ALK: variants seen among roughly 807,000 people sequenced by gnomAD.
ALK encodes the protein ALK tyrosine kinase receptor.
In ALK, 74 loss-of-function variants were observed where a neutral mutation model predicts 163.1. That is an observed-to-expected ratio of 0.45 (90% CI 0.38 to 0.55). The LOEUF is 0.55. Ranked by LOEUF, ALK falls within the 20% of genes least tolerant of loss-of-function variation. The probability of loss-of-function intolerance (pLI) is 0.00; values close to 1 mark genes in which losing one functional copy is unlikely to be tolerated. For synonymous variants in ALK, 960 were observed against 843.2 expected, an observed-to-expected ratio of 1.14 and a Z score of -2.40; for missense variants, 2,063 against 2,105.3, an observed-to-expected ratio of 0.98 and a Z score of 0.39.
At chr2:29,233,509 C>G in intron 14 of ALK, 56 bp downstream of exon 14, 2 of 1,612,634 alleles carry the variant, frequency 1.2e-6, no homozygotes, top group Non-Finnish European at 1.7e-6. Flanking sequence ...TGTCATGAGG[C>G]TCTGACATTG....
intron 1 of ALK, among the ~76,000 whole-genome samples, chr2:29,789,015 C>CTGTGTGTGTGTG (rs57619106): frequency 0.15 from 18,276 of 125,270 alleles, 2,158 homozygotes; most frequent in Admixed American, 0.27. Flanking sequence ...TCCTGGTACA[C>CTGTGTGTGTGTG]TGTGTGTGTG....
At chr2:29,622,976 C>T (rs146253407) in intron 3 of ALK, among the ~76,000 whole-genome samples, 85 of 152,284 alleles carry the variant, frequency 5.6e-4, no homozygotes, top group African/African-American at 2.0e-3. Context: ...ATCTTGGCAA[C>T]CCCAATGTGA....
At chr2:29,547,782 A>G (rs1160030973) in intron 3 of ALK, among the ~76,000 whole-genome samples, 4 of 152,186 alleles carry the variant, frequency 2.6e-5, no homozygotes, top group Admixed American at 6.5e-5. Context: ...TTCCTTGCAG[A>G]TAGGAACAGC....
At chr2:29,565,441 G>A (rs990641734) in intron 3 of ALK, among the ~76,000 whole-genome samples, 1 of 152,196 alleles carries the variant, frequency 6.6e-6, no homozygotes, top group Non-Finnish European at 1.5e-5. Context: ...GGGGAGGCCG[G>A]TGGAAAGGAA....
At chr2:29,810,381 C>T (rs1664726640) in intron 1 of ALK, among the ~76,000 whole-genome samples, 1 of 145,098 alleles carries the variant, frequency 6.9e-6, no homozygotes, top group Non-Finnish European at 1.5e-5. Flanking sequence ...GAGACTGTAC[C>T]ATTTCACTCT....
At chr2:29,472,813 GGCA>G (rs546287336) in intron 4 of ALK, among the ~76,000 whole-genome samples, 9 of 151,978 alleles carry the variant, frequency 5.9e-5, no homozygotes, top group Admixed American at 5.2e-4. Context: ...AAGAAATATT[GGCA>G]AGAATACAAA....
intron 1 of ALK, among the ~76,000 whole-genome samples, chr2:29,847,606 A>G (rs1448392678): frequency 1.3e-5 from 2 of 152,224 alleles, no homozygotes; most frequent in Admixed American, 6.5e-5. Context: ...AAAAAGACAG[A>G]AAGGTGAACA....
intron 5 of ALK, among the ~76,000 whole-genome samples, chr2:29,359,182 G>T (rs1225655189): frequency 6.6e-6 from 1 of 152,140 alleles, no homozygotes; most frequent in Non-Finnish European, 1.5e-5. Context: ...GGAGCCTTTA[G>T]AAAAACTAAC....
chr2:29,562,814 T>C lies in ALK; in HGVS notation c.953-30698A>G, dbSNP rs549020737. Among the ~76,000 whole-genome samples, 3 of 152,348 alleles carry C rather than the reference T, an allele frequency of 2.0e-5. No individual in the cohort carries two copies. In the East Asian group the frequency reaches 5.8e-4, roughly 29 times the overall value. ...ATTAGCCTTCTGTCAAGTGCTCCAG[T>C]GACCAAAGTTTGGGGATGCTGGCAA... On this transcript the variant is annotated intron_variant, in intron 3 of 28. Transcript: ENST00000389048.
At chr2:29,901,302 C>T (rs949740802) in intron 1 of ALK, among the ~76,000 whole-genome samples, 4 of 152,224 alleles carry the variant, frequency 2.6e-5, no homozygotes, top group East Asian at 1.9e-4. Context: ...CTCTTCTCTC[C>T]AATCCCCCTT....
chr2:29,595,698 AG>A (rs1261033631), intron 3 of ALK, among the ~76,000 whole-genome samples: 1 of 152,158 alleles, frequency 6.6e-6, no homozygotes, highest in African/African-American at 2.4e-5. Context: ...ACATGGGAGT[AG>A]GGGGAACAGA....
chr2:29,358,261 T>C (rs1169813895), intron 5 of ALK, among the ~76,000 whole-genome samples: 2 of 152,254 alleles, frequency 1.3e-5, no homozygotes, highest in South Asian at 4.1e-4. Context: ...TGCTGTCCTC[T>C]TAAGATATTT....
intron 3 of ALK, among the ~76,000 whole-genome samples, chr2:29,569,127 C>T (rs1021002321): frequency 6.6e-6 from 1 of 152,146 alleles, no homozygotes. Context: ...TGGGCACTGA[C>T]TGTTAACTTG....
intron 1 of ALK, among the ~76,000 whole-genome samples, chr2:29,745,611 T>G (rs1206706939): frequency 6.6e-6 from 1 of 152,188 alleles, no homozygotes; most frequent in Non-Finnish European, 1.5e-5. Context: ...ACAATCTTTT[T>G]CATCCTTTGG....
At chr2:29,399,869 C>A (rs1417740018) in intron 4 of ALK, among the ~76,000 whole-genome samples, 1 of 152,166 alleles carries the variant, frequency 6.6e-6, no homozygotes, top group African/African-American at 2.4e-5. Flanking sequence ...AGACTCTTCC[C>A]ATTTTACAGA....
In ALK at chr2:29,824,347, C is replaced by T. The variant is rs181113400; in HGVS notation, c.667+95646G>A. On this transcript the variant is annotated intron_variant, in intron 1 of 28. Transcript: ENST00000389048. Reference sequence around the variant, plus strand: ...CCCCCACACAGAATCCCTACTGGGGCACCACCTAGTGGAGCTGTGAGAAGA... The same window carrying T: ...CCCCCACACAGAATCCCTACTGGGGTACCACCTAGTGGAGCTGTGAGAAGA... Among the ~76,000 whole-genome samples the T allele has an allele frequency of 2.6e-4, 40 of 152,346 alleles. 1 individual carries two copies. In the East Asian group the frequency reaches 7.5e-3, roughly 29 times the overall value.
At chr2:29,636,756 A>G (rs763347195) in intron 3 of ALK, among the ~76,000 whole-genome samples, 1 of 152,240 alleles carries the variant, frequency 6.6e-6, no homozygotes, top group Non-Finnish European at 1.5e-5. Context: ...ACAATTAAAA[A>G]TATTCAAATT....
intron 4 of ALK, among the ~76,000 whole-genome samples, chr2:29,458,360 C>G (rs1421994503): frequency 6.6e-6 from 1 of 152,086 alleles, no homozygotes; most frequent in African/African-American, 2.4e-5. Context: ...TTCAGAGACG[C>G]TATGTTGTAA....
At chr2:29,328,624 T>A in intron 5 of ALK, 143 bp from the exon 6 acceptor site, 1 of 1,157,140 alleles carries the variant, frequency 8.6e-7, no homozygotes, top group Non-Finnish European at 1.3e-6. Flanking sequence ...GATTGAGACA[T>A]CTGCATCTCC....
Sources: allele counts gnomAD v4.1 joint callset (sites outside exome capture counted in the v4.1 genomes callset), GRCh38; gene constraint gnomAD v4.1.1; transcripts MANE v1.5; gene names NCBI Gene and HGNC (gene_info 2026-07-23, HGNC 2026-07-21).